TNFRSF10D: variants seen among roughly 807,000 people sequenced by gnomAD.
TNFRSF10D encodes the protein tumor necrosis factor receptor superfamily member 10D.
TNFRSF10D carries 28 observed loss-of-function variants against 42.1 expected under a neutral mutation model. The ratio of observed to expected loss-of-function variants is 0.66; its 90% CI spans 0.49 to 0.91. The LOEUF is 0.91. Among genes scored for constraint, TNFRSF10D ranks in the 40% least tolerant of loss-of-function variants. TNFRSF10D has a pLI of 0.00. For synonymous variants in TNFRSF10D, 186 were observed against 189.4 expected (o/e 0.98, Z 0.15); for missense variants, 503 against 486.1 (o/e 1.03, Z -0.33).
chr8:23,149,070 A>G (rs12541212), intron 2 of TNFRSF10D, among the ~76,000 whole-genome samples: 1,944 of 150,198 alleles, frequency 0.013, 119 homozygotes, highest in Admixed American at 0.098. Flanking sequence ...GGCACCTGTA[A>G]TCCTAGCTAC....
chr8:23,162,754 A>G (rs1800389470), intron 1 of TNFRSF10D, among the ~76,000 whole-genome samples: 1 of 152,192 alleles, frequency 6.6e-6, no homozygotes. Flanking sequence ...GCAGTGGAAG[A>G]CACTGACTGC....
intron 7 of TNFRSF10D, among the ~76,000 whole-genome samples, chr8:23,143,604 G>A (rs185881594): frequency 1.6e-4 from 25 of 152,226 alleles, no homozygotes; most frequent in Non-Finnish European, 3.4e-4. Context: ...AAAATGGGTG[G>A]AAAGTGAACC....
intron 7 of TNFRSF10D, among the ~76,000 whole-genome samples, chr8:23,143,405 G>A (rs762159049): frequency 6.6e-6 from 1 of 152,132 alleles, no homozygotes; most frequent in African/African-American, 2.4e-5. Flanking sequence ...AAGGTGAGAG[G>A]ATGACTTGAG....
rs143066323 is a variant in TNFRSF10D, at chr8:23,154,967, A to G, written c.163T>C (p.Ser55Pro). 2.5e-5 allele frequency: 41 copies of G among 1,612,080 alleles called. 1 individual carries two copies. In the Middle Eastern group the frequency reaches 5.0e-4, roughly 19 times the overall value. The change falls in exon 2 of 9, where the codon TCT (serine) becomes CCT (proline). Residue 55 changes from serine (S) to proline (P), a missense_variant. Coordinates refer to ENST00000312584, the MANE Select transcript of TNFRSF10D (RefSeq NM_003840.5). ...TCGTCCTGCCGGGGGATGGTGGCAGAGTCAACCCGGACCTGTGGGGACAAG... is the reference window on the plus strand; with the variant it reads ...TCGTCCTGCCGGGGGATGGTGGCAGGGTCAACCCGGACCTGTGGGGACAAG... ...VAVLLPVRVDSATIPRQDEVP... is the reference protein window; with the variant it reads ...VAVLLPVRVDPATIPRQDEVP...
Position 23,143,791 on chromosome 8 carries a change from C to T in TNFRSF10D, c.954+659G>A, listed in dbSNP as rs80293151. 2.2e-4 allele frequency among the ~76,000 whole-genome samples: 33 copies of T among 152,224 alleles called. 1 individual carries two copies. In the East Asian group the frequency reaches 5.4e-3, roughly 25 times the overall value. On this transcript the variant is annotated intron_variant, in intron 7 of 8. Transcript: ENST00000312584. Reference sequence around the variant, plus strand: ...GGCACCTACGTTCCACTGGTGTATGCTACAAACCAAATCATTCTTTAAAAG... The same window carrying T: ...GGCACCTACGTTCCACTGGTGTATGTTACAAACCAAATCATTCTTTAAAAG...
intron 7 of TNFRSF10D, among the ~76,000 whole-genome samples, chr8:23,141,219 C>A (rs1246386171): frequency 5.8e-3 from 878 of 152,068 alleles, no homozygotes; most frequent in African/African-American, 0.018. Flanking sequence ...AGAAACTCTC[C>A]ACAGGCCGGG....
intron 6 of TNFRSF10D, 96 bp from the exon 7 acceptor site, chr8:23,144,731 A>G (rs1367565083): frequency 4.9e-6 from 7 of 1,438,710 alleles, no homozygotes; most frequent in African/African-American, 1.4e-5. Flanking sequence ...ACCCCTTCCA[A>G]TGAGGTCACC....
chr8:23,140,995 T>A (rs911725155), intron 7 of TNFRSF10D, among the ~76,000 whole-genome samples: 4 of 152,218 alleles, frequency 2.6e-5, no homozygotes, highest in African/African-American at 7.2e-5. Context: ...ACTAGACCCC[T>A]ACTTTTCACC....
chr8:23,140,060 A>T (rs546851666), intron 7 of TNFRSF10D, among the ~76,000 whole-genome samples: 17 of 152,014 alleles, frequency 1.1e-4, no homozygotes, highest in East Asian at 7.7e-4. Flanking sequence ...GAGGCCAAGG[A>T]GGGCGGATCA....
chr8:23,160,182 C>T (rs1017583341), intron 1 of TNFRSF10D, among the ~76,000 whole-genome samples: 3 of 152,184 alleles, frequency 2.0e-5, no homozygotes, highest in African/African-American at 4.8e-5. Context: ...GCAGGATTCA[C>T]ATGGGGTTCA....
At position 23,142,050 on chromosome 8, in the gene TNFRSF10D, T is replaced by C. The variant is rs1237669048; in HGVS notation, c.954+2400A>G. Among the ~76,000 whole-genome samples the C allele has an allele frequency of 5.3e-5, 8 of 152,212 alleles. No homozygotes were observed. In the South Asian group the frequency reaches 8.3e-4, roughly 16 times the overall value. On this transcript the variant is annotated intron_variant, in intron 7 of 8. Coordinates refer to ENST00000312584, the MANE Select transcript of TNFRSF10D (RefSeq NM_003840.5). ...ACTTTGGGAGGCCGAGGTGGATGGATCACGAGGTCAGGAATTCAAGACCAG... is the reference window on the plus strand; with the variant it reads ...ACTTTGGGAGGCCGAGGTGGATGGACCACGAGGTCAGGAATTCAAGACCAG...
intron 7 of TNFRSF10D, among the ~76,000 whole-genome samples, chr8:23,143,053 T>C (rs1800055514): frequency 6.6e-6 from 1 of 150,952 alleles, no homozygotes; most frequent in African/African-American, 2.5e-5. Context: ...CTCGGCTCAC[T>C]GCAGGCTCCG....
intron 3 of TNFRSF10D, among the ~76,000 whole-genome samples, chr8:23,148,156 C>CT (rs201343561): frequency 0.063 from 9,529 of 150,646 alleles, 1,005 homozygotes; most frequent in African/African-American, 0.22. Context: ...AGAAGAATCA[C>CT]TAAACCTGGG....
Position 23,143,344 on chromosome 8 carries a change from C to T in TNFRSF10D, c.954+1106G>A, listed in dbSNP as rs184370943. On this transcript the variant is annotated intron_variant, in intron 7 of 8. Transcript: ENST00000312584. ...TTTACCACTTTCAAAAAATGTGCAG[C>T]GCGGCCAGGTGCAGTGGCTTATGCC... is the stretch of plus-strand genomic sequence containing the variant. Among the ~76,000 whole-genome samples, 9 of 148,040 alleles carry T rather than the reference C, an allele frequency of 6.1e-5. No individual in the cohort carries two copies. The South Asian group carries it at 7.1e-4, about 12-fold the overall frequency.
chr8:23,145,141 T>C (rs1434910575), intron 5 of TNFRSF10D, 52 bp from the exon 6 acceptor site: 1 of 1,611,066 alleles, frequency 6.2e-7, no homozygotes, highest in African/African-American at 1.3e-5. Context: ...ATGCAGCACC[T>C]CCCTCCCAGA....
Position 23,154,976 on chromosome 8 carries a change from G to A in TNFRSF10D, c.154C>T (p.Arg52Trp), listed in dbSNP as rs749907430. The change falls in exon 2 of 9, where the codon CGG becomes TGG. Residue 52 changes from arginine to tryptophan, a missense_variant. Physicochemically the swap from Arg to Trp is moderately radical, Grantham distance 101 (BLOSUM62 -3). Transcript: ENST00000312584. Reference sequence around the variant, plus strand: ...CGGGGGATGGTGGCAGAGTCAACCCGGACCTGTGGGGACAAGGCAGAGATG... The same window carrying A: ...CGGGGGATGGTGGCAGAGTCAACCCAGACCTGTGGGGACAAGGCAGAGATG... ...VFIVAVLLPV[R>W]VDSATIPRQD... 1.9e-5 allele frequency: 31 copies of A among 1,608,432 alleles called. No homozygotes were observed. Among genetic ancestry groups the A allele is most frequent in the Non-Finnish European group, 2.5e-5 (30 of 1,177,232 alleles).
intron 7 of TNFRSF10D, among the ~76,000 whole-genome samples, chr8:23,142,443 G>C (rs1157178806): frequency 6.6e-6 from 1 of 152,200 alleles, no homozygotes; most frequent in African/African-American, 2.4e-5. Flanking sequence ...CATATTGTTT[G>C]CAGCCACATG....
intron 7 of TNFRSF10D, among the ~76,000 whole-genome samples, chr8:23,140,118 C>T (rs60878149): frequency 0.18 from 28,067 of 151,884 alleles, 3,073 homozygotes; most frequent in African/African-American, 0.31. Flanking sequence ...TGAAACCCCA[C>T]CTCTACTAAA....
At position 23,137,068 on chromosome 8, in the gene TNFRSF10D, A is replaced by G. The variant is rs1008968798; in HGVS notation, c.*802T>C. 6.6e-6 allele frequency: 1 copy of G among 152,212 alleles called. No individual in the cohort carries two copies. The highest frequency in any genetic ancestry group is 2.4e-5 in the African/African-American group (1 of 41,454). The allele number at this position is 152,212 out of a possible 1,614,324, so 9.4% of individuals were successfully genotyped here. A position where few individuals can be genotyped will look rare whatever the true frequency, so the allele number is the denominator to read the frequency against. Reference sequence around the variant, plus strand: ...TTTCCTAAAGTTTTTCCATGTTTACATCATTATACAAAAATCGGAAAAGAG... The same window carrying G: ...TTTCCTAAAGTTTTTCCATGTTTACGTCATTATACAAAAATCGGAAAAGAG... On this transcript the variant is annotated 3_prime_UTR_variant, in exon 9 of 9. Transcript: ENST00000312584.
Sources: gnomAD v4.1 joint callset for allele counts (sites outside exome capture counted in the v4.1 genomes callset) on GRCh38, gnomAD v4.1.1 for gene constraint, MANE v1.5 for transcripts, NCBI Gene and HGNC (gene_info 2026-07-23, HGNC 2026-07-21) for gene names.